SGCZ: variants seen among roughly 807,000 people sequenced by gnomAD.
The protein encoded by SGCZ is zeta-sarcoglycan.
SGCZ carries 40 observed loss-of-function variants against 41.3 expected under a neutral mutation model. The observed-to-expected ratio is 0.97, with a 90% CI of 0.75 to 1.26. SGCZ has a LOEUF of 1.26. Ranked by LOEUF, SGCZ falls within the 50% of genes most tolerant of loss-of-function variation. The pLI, the probability that SGCZ is intolerant of heterozygous loss-of-function variation, is 0.00. For missense variants in SGCZ, 552 were observed against 369.8 expected (o/e 1.49, Z -4.04); for synonymous variants, 206 against 137.5 (o/e 1.50, Z -3.49).
chr8:14,293,678 A>AATT (rs1475064909), intron 3 of SGCZ, among the ~76,000 whole-genome samples: 1 of 151,940 alleles, frequency 6.6e-6, no homozygotes, highest in Non-Finnish European at 1.5e-5. Flanking sequence ...TTAACGACTG[A>AATT]AATTCATGGT....
intron 1 of SGCZ, among the ~76,000 whole-genome samples, chr8:14,759,943 A>T (rs1470815980): frequency 6.6e-6 from 1 of 152,168 alleles, no homozygotes; most frequent in East Asian, 1.9e-4. Flanking sequence ...TTTCTTTTTT[A>T]TTTAAAAACT....
chr8:15,140,228 T>C (rs62499831), intron 1 of SGCZ, among the ~76,000 whole-genome samples: 8,690 of 152,176 alleles, frequency 0.057, 306 homozygotes, highest in Middle Eastern at 0.13. Context: ...CCTCTCTTTA[T>C]TGCCCAGGCC....
intron 2 of SGCZ, among the ~76,000 whole-genome samples, chr8:14,530,549 T>A (rs1239920118): frequency 6.6e-6 from 1 of 152,148 alleles, no homozygotes; most frequent in African/African-American, 2.4e-5. Context: ...AGTGCTCTTG[T>A]AACTTCTTTG....
At chr8:14,917,818 G>A (rs946671846) in intron 1 of SGCZ, among the ~76,000 whole-genome samples, 5 of 152,028 alleles carry the variant, frequency 3.3e-5, no homozygotes, top group African/African-American at 9.7e-5. Context: ...CATATCACAT[G>A]TGCCTTTCTC....
At chr8:14,501,671 A>T (rs1378704528) in intron 2 of SGCZ, among the ~76,000 whole-genome samples, 1 of 150,920 alleles carries the variant, frequency 6.6e-6, no homozygotes, top group East Asian at 2.0e-4. Flanking sequence ...ACACTTCTTG[A>T]AGAAAGGTAC....
chr8:14,344,661 T>C (rs1802830000), intron 2 of SGCZ, among the ~76,000 whole-genome samples: 1 of 152,066 alleles, frequency 6.6e-6, no homozygotes. Flanking sequence ...GACATGAATA[T>C]GTATGCAGAA....
intron 4 of SGCZ, among the ~76,000 whole-genome samples, chr8:14,165,540 C>T (rs1804181653): frequency 6.6e-6 from 1 of 152,014 alleles, no homozygotes; most frequent in Non-Finnish European, 1.5e-5. Context: ...ATTCATCTTC[C>T]CATAATTCAT....
chr8:14,878,706 C>A (rs959805255), intron 1 of SGCZ, among the ~76,000 whole-genome samples: 5 of 152,080 alleles, frequency 3.3e-5, no homozygotes, highest in Admixed American at 3.3e-4. Flanking sequence ...GAGAATGATT[C>A]CTGTGGTGTC....
intron 1 of SGCZ, among the ~76,000 whole-genome samples, chr8:14,875,024 G>A (rs941998872): frequency 2.0e-5 from 3 of 152,134 alleles, no homozygotes; most frequent in Admixed American, 6.6e-5. Flanking sequence ...GCATAAAAGG[G>A]TATCTTTGTC....
At chr8:14,210,450 T>G (rs1248744933) in intron 4 of SGCZ, among the ~76,000 whole-genome samples, 1 of 139,362 alleles carries the variant, frequency 7.2e-6, no homozygotes, top group Non-Finnish European at 1.5e-5. Flanking sequence ...CTTAAAATAG[T>G]ATTATGCAAC....
At chr8:15,065,485 C>T (rs1805102324) in intron 1 of SGCZ, among the ~76,000 whole-genome samples, 1 of 151,032 alleles carries the variant, frequency 6.6e-6, no homozygotes, top group Non-Finnish European at 1.5e-5. Context: ...GGCTCTACTG[C>T]CTAGGCTGGA....
intron 3 of SGCZ, among the ~76,000 whole-genome samples, chr8:14,248,089 C>G (rs1351092141): frequency 6.6e-6 from 1 of 152,112 alleles, no homozygotes; most frequent in East Asian, 1.9e-4. Context: ...TAAATCACTT[C>G]TTTTTATGGA....
intron 1 of SGCZ, among the ~76,000 whole-genome samples, chr8:14,888,190 A>C (rs757041576): frequency 6.6e-6 from 1 of 152,190 alleles, no homozygotes; most frequent in Non-Finnish European, 1.5e-5. Flanking sequence ...CAAAAGACCA[A>C]TACACATAGT....
At chr8:15,067,130 T>G (rs1381116628) in intron 1 of SGCZ, among the ~76,000 whole-genome samples, 1 of 152,190 alleles carries the variant, frequency 6.6e-6, no homozygotes, top group East Asian at 1.9e-4. Flanking sequence ...TGAAATTATA[T>G]CTGTTTAAAA....
chr8:14,407,313 A>G (rs1364015307), intron 2 of SGCZ, among the ~76,000 whole-genome samples: 3 of 151,932 alleles, frequency 2.0e-5, no homozygotes, highest in Non-Finnish European at 4.4e-5. Context: ...AAGCGATCCA[A>G]GGTTTCTTAA....
At chr8:14,810,364 T>C (rs143542474) in intron 1 of SGCZ, among the ~76,000 whole-genome samples, 44 of 152,144 alleles carry the variant, frequency 2.9e-4, no homozygotes, top group Non-Finnish European at 5.6e-4. Flanking sequence ...ATTTTCCTAA[T>C]AGAAAAATTC....
Position 14,166,277 on chromosome 8 carries a change from T to G in SGCZ, c.425-1575A>C, listed in dbSNP as rs183500316. On this transcript the variant is annotated intron_variant, in intron 4 of 7. Transcript: ENST00000382080. ...AATTTAATGAAAATATGGAAACCATTGAAGACCTATTGTCCTTGGTCATAG... is the reference window on the plus strand; with the variant it reads ...AATTTAATGAAAATATGGAAACCATGGAAGACCTATTGTCCTTGGTCATAG... 9.8e-4 allele frequency among the ~76,000 whole-genome samples: 149 copies of G among 152,288 alleles called. 1 individual carries two copies. The highest frequency in any genetic ancestry group is 3.3e-3 in the African/African-American group (139 of 41,574).
chr8:14,392,114 T>C (rs1405541405), intron 2 of SGCZ, among the ~76,000 whole-genome samples: 2 of 152,182 alleles, frequency 1.3e-5, no homozygotes, highest in Admixed American at 1.3e-4. Context: ...CTTTATTTAA[T>C]CTCTTAAATA....
At chr8:14,671,831 A>G (rs1585170618) in intron 1 of SGCZ, among the ~76,000 whole-genome samples, 1 of 152,270 alleles carries the variant, frequency 6.6e-6, no homozygotes, top group East Asian at 1.9e-4. Flanking sequence ...ATATATAGGC[A>G]TTGGTGTCTT....
Sources: gnomAD v4.1 joint callset for allele counts (sites outside exome capture counted in the v4.1 genomes callset) on GRCh38, gnomAD v4.1.1 for gene constraint, MANE v1.5 for transcripts, NCBI Gene and HGNC (gene_info 2026-07-23, HGNC 2026-07-21) for gene names.